PRKD1: variants seen among roughly 807,000 people sequenced by gnomAD.
PRKD1 encodes serine/threonine-protein kinase D1.
A neutral mutation model predicts 95.9 loss-of-function variants in PRKD1; 63 were observed. The ratio of observed to expected loss-of-function variants is 0.66; its 90% confidence interval spans 0.54 to 0.81. PRKD1 has a LOEUF of 0.81. PRKD1 is among the 30% of genes least tolerant of loss of function. The probability of loss-of-function intolerance (pLI) is 0.00; values close to 1 mark genes in which losing one functional copy is unlikely to be tolerated. For missense variants in PRKD1, 1,048 were observed against 1,165.3 expected, an observed-to-expected ratio of 0.90 and a Z score of 1.47; for synonymous variants, 425 against 423.1, an observed-to-expected ratio of 1.00 and a Z score of -0.05.
intron 2 of PRKD1, among the ~76,000 whole-genome samples, chr14:29,670,384 G>A (rs1318270519): frequency 2.0e-5 from 3 of 152,210 alleles, no homozygotes; most frequent in African/African-American, 4.8e-5. Flanking sequence ...TCATCCAAGA[G>A]AGGAATTGTA....
intron 1 of PRKD1, among the ~76,000 whole-genome samples, chr14:29,884,281 C>A (rs1893617367): frequency 6.6e-6 from 1 of 151,988 alleles, no homozygotes; most frequent in Non-Finnish European, 1.5e-5. Flanking sequence ...ATATATATAA[C>A]AATACCTCAA....
intron 4 of PRKD1, among the ~76,000 whole-genome samples, chr14:29,649,562 G>A (rs1465605250): frequency 1.3e-5 from 2 of 151,612 alleles, no homozygotes; most frequent in East Asian, 3.9e-4. Context: ...GCTGTATTTA[G>A]CTATGAGTTA....
At chr14:29,716,432 G>A (rs748329064) in intron 2 of PRKD1, among the ~76,000 whole-genome samples, 3 of 152,146 alleles carry the variant, frequency 2.0e-5, no homozygotes, top group Non-Finnish European at 2.9e-5. Context: ...AGGGACAGCT[G>A]TTCTGCTAAA....
intron 3 of PRKD1, 137 bp downstream of exon 3, chr14:29,665,939 AT>A: frequency 1.1e-6 from 1 of 895,298 alleles, no homozygotes; most frequent in Non-Finnish European, 1.6e-6. Flanking sequence ...ATATATGTAT[AT>A]ATGTACCACA....
chr14:29,821,204 T>C (rs755824083), intron 1 of PRKD1, among the ~76,000 whole-genome samples: 4 of 152,204 alleles, frequency 2.6e-5, no homozygotes, highest in Non-Finnish European at 5.9e-5. Flanking sequence ...ATTAAATACA[T>C]GACTGTGTTC....
intron 1 of PRKD1, among the ~76,000 whole-genome samples, chr14:29,805,928 T>G (rs1030652621): frequency 6.6e-6 from 1 of 152,182 alleles, no homozygotes; most frequent in East Asian, 1.9e-4. Context: ...GATAAGAGCA[T>G]GAGAACAAGC....
chr14:29,743,757 A>C (rs958537956), intron 1 of PRKD1, among the ~76,000 whole-genome samples: 1 of 152,168 alleles, frequency 6.6e-6, no homozygotes, highest in Non-Finnish European at 1.5e-5. Context: ...CTCTCTTTAA[A>C]CTGCCAATCA....
intron 1 of PRKD1, among the ~76,000 whole-genome samples, chr14:29,782,475 T>C (rs1225377000): frequency 6.6e-6 from 1 of 152,196 alleles, no homozygotes; most frequent in South Asian, 2.1e-4. Flanking sequence ...TTTCTTTTTT[T>C]CATTCTTTTA....
At chr14:29,697,433 A>G (rs1884588592) in intron 2 of PRKD1, among the ~76,000 whole-genome samples, 1 of 152,202 alleles carries the variant, frequency 6.6e-6, no homozygotes, top group Non-Finnish European at 1.5e-5. Flanking sequence ...ATTTAATTAA[A>G]AGCTAAAATT....
chr14:29,698,709 G>C (rs1034760547), intron 2 of PRKD1, among the ~76,000 whole-genome samples: 3 of 151,914 alleles, frequency 2.0e-5, no homozygotes, highest in African/African-American at 7.2e-5. Flanking sequence ...ATGTGTGACA[G>C]AGCTGCTTGC....
chr14:29,832,787 T>C (rs930912618), intron 1 of PRKD1, among the ~76,000 whole-genome samples: 4 of 152,166 alleles, frequency 2.6e-5, no homozygotes, highest in African/African-American at 9.6e-5. Flanking sequence ...AGTAAAAATA[T>C]TGAAATATTT....
intron 1 of PRKD1, among the ~76,000 whole-genome samples, chr14:29,731,463 A>T (rs1364090558): frequency 6.6e-6 from 1 of 152,168 alleles, no homozygotes; most frequent in Non-Finnish European, 1.5e-5. Context: ...AAGTTGACTG[A>T]TAGTTTTTCA....
At chr14:29,908,780 T>C (rs1433948154) in intron 1 of PRKD1, among the ~76,000 whole-genome samples, 1 of 152,152 alleles carries the variant, frequency 6.6e-6, no homozygotes, top group African/African-American at 2.4e-5. Context: ...GAGGAAGATA[T>C]CGAGTAAGAA....
In PRKD1 at chr14:29,629,117, T is replaced by A. The variant is rs200341681; in HGVS notation, c.1673-24A>T. On this transcript the variant is annotated intron_variant, in intron 10 of 17. Transcript: ENST00000331968. ...TCCTGGAAATGCATGTAAAACAATA[T>A]GCACACAAAAAGTCAGTAAGAGATG... is the stretch of plus-strand genomic sequence containing the variant. The A allele has an allele frequency of 2.5e-4, 394 of 1,594,262 alleles. 2 individuals are homozygous for A. The highest frequency in any genetic ancestry group is 1.0e-4 in the Non-Finnish European group (120 of 1,168,908).
At chr14:29,754,575 TAATC>T (rs1887613778) in intron 1 of PRKD1, among the ~76,000 whole-genome samples, 1 of 152,154 alleles carries the variant, frequency 6.6e-6, no homozygotes, top group Non-Finnish European at 1.5e-5. Context: ...AATTATCTAT[TAATC>T]AATCTGTTCT....
At chr14:29,667,366 C>T (rs542596553) in intron 2 of PRKD1, among the ~76,000 whole-genome samples, 7 of 152,258 alleles carry the variant, frequency 4.6e-5, no homozygotes, top group Middle Eastern at 6.8e-3. Flanking sequence ...TTTTATTTTA[C>T]GAGAATTTTG....
intron 1 of PRKD1, among the ~76,000 whole-genome samples, chr14:29,752,586 T>C (rs1887528880): frequency 6.6e-6 from 1 of 150,980 alleles, no homozygotes; most frequent in Non-Finnish European, 1.5e-5. Context: ...ATTATATATA[T>C]ATATAATTTC....
intron 1 of PRKD1, among the ~76,000 whole-genome samples, chr14:29,838,924 T>C (rs1891719285): frequency 6.6e-6 from 1 of 152,126 alleles, no homozygotes; most frequent in African/African-American, 2.4e-5. Flanking sequence ...ATCAAATTTA[T>C]GGTAAAAACT....
At chr14:29,722,557 C>T (rs1885949219) in intron 2 of PRKD1, among the ~76,000 whole-genome samples, 1 of 152,134 alleles carries the variant, frequency 6.6e-6, no homozygotes, top group South Asian at 2.1e-4. Context: ...TATGTAGTAA[C>T]TTTATTCTCA....
Sources: allele counts gnomAD v4.1 joint callset (sites outside exome capture counted in the v4.1 genomes callset), GRCh38; gene constraint gnomAD v4.1.1; transcripts MANE v1.5; gene names NCBI Gene and HGNC (gene_info 2026-07-23, HGNC 2026-07-21).